The following FBN3 variants were observed in gnomAD, a reference collection of about 807,000 sequenced individuals.
The protein encoded by FBN3 is fibrillin 3, also known as fibrillin-3.
In FBN3, 234 loss-of-function variants were observed where a neutral mutation model predicts 330.1. That is an observed-to-expected ratio of 0.71 (90% CI 0.64 to 0.79). The LOEUF (loss-of-function observed/expected upper bound fraction) is 0.79. Among genes scored for constraint, FBN3 ranks in the 30% least tolerant of loss-of-function variants. FBN3 has a pLI of 0.00. For missense variants in FBN3, 3,606 were observed against 3,886.9 expected (o/e 0.93, Z 1.92); for synonymous variants, 1,458 against 1,517.3 (o/e 0.96, Z 0.91).
chr19:8,138,840 A>G (rs894666894), intron 8 of FBN3, among the ~76,000 whole-genome samples: 10 of 151,946 alleles, frequency 6.6e-5, no homozygotes, highest in African/African-American at 2.4e-4. Flanking sequence ...TAAGGTCAGG[A>G]GTGCAAGACC....
chr19:8,103,614 G>A lies in FBN3; in HGVS notation c.4887C>T (p.Thr1629=). The A allele has an allele frequency of 6.2e-7, 1 of 1,613,830 alleles. No homozygotes were observed. The highest frequency in any genetic ancestry group is 8.5e-7 in the Non-Finnish European group (1 of 1,179,814). The change falls in exon 39 of 64, where the codon ACC becomes ACT. Residue 1629 remains threonine (T), a synonymous_variant. Coordinates refer to ENST00000600128, the MANE Select transcript of FBN3 (RefSeq NM_032447.5). The part of the protein sequence containing the change: ...GTCYNTLGNY[T]CVCPAEYLQV... ...GGAGGTACTCTGCAGGGCAGACACA[G>A]GTGTAGTTCCCCAGGGTGTTGTAGC...
At chr19:8,080,869 G>A (rs1254498642) in intron 59 of FBN3, 134 bp downstream of exon 59, 8 of 642,030 alleles carry the variant, frequency 1.2e-5, no homozygotes, top group Admixed American at 2.4e-5. Flanking sequence ...TGATCCACCC[G>A]CTTCAGCTTT....
chr19:8,135,929 A>G, intron 13 of FBN3, 32 bp downstream of exon 13: 1 of 1,171,732 alleles, frequency 8.5e-7, no homozygotes, highest in Non-Finnish European at 1.2e-6. Context: ...GGGGCCCGGA[A>G]GCCCCTGCCC....
intron 40 of FBN3, among the ~76,000 whole-genome samples, chr19:8,101,807 G>GA (rs2082333558): frequency 6.6e-6 from 1 of 152,188 alleles, no homozygotes; most frequent in African/African-American, 2.4e-5. Flanking sequence ...TCCCACCAAT[G>GA]AAAACTCCAT....
At chr19:8,112,218 C>T (rs977174266) in intron 30 of FBN3, 119 bp from the exon 31 acceptor site, 1 of 1,071,112 alleles carries the variant, frequency 9.3e-7, no homozygotes, top group Middle Eastern at 2.3e-4. Context: ...AGAAAGCCTC[C>T]TCCCATTCAC....
chr19:8,093,571 C>T (rs1040152826), intron 47 of FBN3, among the ~76,000 whole-genome samples: 15 of 151,906 alleles, frequency 9.9e-5, no homozygotes, highest in African/African-American at 3.1e-4. Flanking sequence ...TGCAGTGAGC[C>T]GAGATTGTGC....
Position 8,138,299 on chromosome 19 carries a change from T to C in FBN3, c.1043A>G (p.Gln348Arg), listed in dbSNP as rs2083333807. The change falls in exon 10 of 64, where the codon CAG becomes CGG. Residue 348 changes from glutamine (Q) to arginine (R), a missense_variant. Coordinates refer to ENST00000600128, the MANE Select transcript of FBN3 (RefSeq NM_032447.5). Reference protein sequence around the residue: ...GSNEFQQLCAQRLPLLPGHPG... With the variant: ...GSNEFQQLCARRLPLLPGHPG... ...GTGGCCGGGTAGCAGCGGCAGCCGC[T>C]GGGCGCACAGTTGCTGGAATTCATC... 1.2e-6 allele frequency: 2 copies of C among 1,613,140 alleles called. No individual in the cohort carries two copies. The highest frequency in any genetic ancestry group is 8.5e-7 in the Non-Finnish European group (1 of 1,179,756).
intron 63 of FBN3, among the ~76,000 whole-genome samples, chr19:8,071,567 AAG>A (rs1426433369): frequency 2.6e-5 from 4 of 152,122 alleles, no homozygotes; most frequent in Non-Finnish European, 5.9e-5. Context: ...GGATGCACAG[AAG>A]AGTTGAGATG....
intron 9 of FBN3, 32 bp from the exon 10 acceptor site, chr19:8,138,355 T>C (rs1450843702): frequency 6.2e-7 from 1 of 1,610,778 alleles, no homozygotes; most frequent in East Asian, 2.2e-5. Context: ...GCCAGGCCCT[T>C]GGCCCTCCCC....
chr19:8,120,848 A>G (rs2082830075), intron 25 of FBN3, among the ~76,000 whole-genome samples: 1 of 152,234 alleles, frequency 6.6e-6, no homozygotes, highest in African/African-American at 2.4e-5. Flanking sequence ...CTCCAAGGAA[A>G]GAGGGCTCCC....
intron 41 of FBN3, among the ~76,000 whole-genome samples, chr19:8,100,517 TAG>T (rs2082304791): frequency 2.0e-5 from 3 of 152,080 alleles, no homozygotes; most frequent in Non-Finnish European, 4.4e-5. Context: ...TTTGTATTTT[TAG>T]TAGAGACACG....
At chr19:8,148,194 A>G (rs1002603278) in intron 1 of FBN3, among the ~76,000 whole-genome samples, 4 of 152,058 alleles carry the variant, frequency 2.6e-5, no homozygotes, top group South Asian at 2.1e-4. Context: ...CCTCGCCTCC[A>G]CATCCCACGC....
intron 10 of FBN3, among the ~76,000 whole-genome samples, chr19:8,137,806 G>T (rs1306382688): frequency 6.6e-6 from 1 of 151,894 alleles, no homozygotes; most frequent in East Asian, 1.9e-4. Context: ...TTTTCAATTT[G>T]CTGTAGAGAC....
At chr19:8,083,963 C>T (rs1023337510) in intron 56 of FBN3, among the ~76,000 whole-genome samples, 7 of 151,936 alleles carry the variant, frequency 4.6e-5, no homozygotes, top group Non-Finnish European at 8.8e-5. Context: ...CCACCACGCC[C>T]GGCTAATTTT....
chr19:8,141,099 GCA>G (rs2083400954), intron 8 of FBN3, among the ~76,000 whole-genome samples: 1 of 150,862 alleles, frequency 6.6e-6, no homozygotes, highest in Non-Finnish European at 1.5e-5. Context: ...GGAGGCTGAG[GCA>G]GGGGAATGGC....
At chr19:8,080,868 C>T (rs1353228199) in intron 59 of FBN3, 135 bp downstream of exon 59, 4 of 640,624 alleles carry the variant, frequency 6.2e-6, no homozygotes, top group Middle Eastern at 2.7e-4. Context: ...ATGATCCACC[C>T]GCTTCAGCTT....
chr19:8,138,120 C>A, intron 10 of FBN3, 21 bp downstream of exon 10: 1 of 1,579,546 alleles, frequency 6.3e-7, no homozygotes. Flanking sequence ...TGGAATGTTC[C>A]TCCCAAGCCC....
chr19:8,136,557 C>A (rs780082756), intron 10 of FBN3, 26 bp from the exon 11 acceptor site: 41 of 1,612,760 alleles, frequency 2.5e-5, no homozygotes, highest in Non-Finnish European at 3.4e-5. Flanking sequence ...GCAGAGGCAT[C>A]TGAGCAGTGG....
At chr19:8,075,471 C>T (rs2081619519) in intron 59 of FBN3, 60 bp from the exon 60 acceptor site, 1 of 1,560,612 alleles carries the variant, frequency 6.4e-7, no homozygotes, top group Admixed American at 1.7e-5. Context: ...TGTCAGGTGA[C>T]ACAATGCCAG....
Sources: gnomAD v4.1 joint callset for allele counts (sites outside exome capture counted in the v4.1 genomes callset) on GRCh38, gnomAD v4.1.1 for gene constraint, MANE v1.5 for transcripts, NCBI Gene and HGNC (gene_info 2026-07-23, HGNC 2026-07-21) for gene names.